MCOLN3: variants seen among roughly 807,000 people sequenced by gnomAD.
MCOLN3 encodes mucolipin TRP cation channel 3, also known as mucolipin-3.
In MCOLN3, 62 loss-of-function variants were observed where a neutral mutation model predicts 69.4. The ratio of observed to expected loss-of-function variants is 0.89; its 90% CI spans 0.73 to 1.10. MCOLN3 has a LOEUF of 1.10. Among genes scored for constraint, MCOLN3 ranks in the 50% least tolerant of loss-of-function variants. The pLI, the probability that MCOLN3 is intolerant of heterozygous loss-of-function variation, is 0.00. For synonymous variants in MCOLN3, 183 were observed against 217.0 expected (o/e 0.84, Z 1.38); for missense variants, 564 against 656.4 (o/e 0.86, Z 1.54).
chr1:85,040,099 C>T (rs961404832), intron 3 of MCOLN3, among the ~76,000 whole-genome samples: 3 of 152,178 alleles, frequency 2.0e-5, no homozygotes, highest in Admixed American at 6.5e-5. Flanking sequence ...GTATCTCCAT[C>T]ATTATGCCTT....
intron 4 of MCOLN3, among the ~76,000 whole-genome samples, chr1:85,033,681 C>T (rs1245748857): frequency 1.3e-5 from 2 of 152,080 alleles, no homozygotes; most frequent in Non-Finnish European, 1.5e-5. Context: ...TTTATATATA[C>T]CAAGAGTTTG....
At chr1:85,026,312 T>C in intron 7 of MCOLN3, 28 bp from the exon 8 acceptor site, 1 of 1,380,904 alleles carries the variant, frequency 7.2e-7, no homozygotes, top group Non-Finnish European at 1.0e-6. Context: ...TACATAGTGC[T>C]TATGTAGTGG....
At chr1:85,035,081 C>G (rs1652740835) in intron 3 of MCOLN3, among the ~76,000 whole-genome samples, 1 of 152,144 alleles carries the variant, frequency 6.6e-6, no homozygotes, top group African/African-American at 2.4e-5. Flanking sequence ...CAGTGTATTA[C>G]CAAATCTGAT....
At chr1:85,021,028 TTATAGGACAATGC>T (rs1339730550) in intron 12 of MCOLN3, 29 bp downstream of exon 12, 18 of 1,457,674 alleles carry the variant, frequency 1.2e-5, no homozygotes, top group African/African-American at 1.1e-4. Flanking sequence ...ACTCTACAAG[TTATAGGACAATGC>T]TACTACTTAT....
intron 1 of MCOLN3, among the ~76,000 whole-genome samples, chr1:85,048,003 G>A (rs541291537): frequency 6.6e-6 from 1 of 152,356 alleles, no homozygotes; most frequent in Non-Finnish European, 1.5e-5. Flanking sequence ...GCCGAGCCGC[G>A]TCAAGGCCAT....
At chr1:85,032,671 C>G in intron 6 of MCOLN3, 25 bp downstream of exon 6, 2 of 1,566,530 alleles carry the variant, frequency 1.3e-6, no homozygotes, top group Non-Finnish European at 1.8e-6. Context: ...AGACTGGAAC[C>G]AAATTCAGCC....
At position 85,021,149 on chromosome 1, in the gene MCOLN3, T is replaced by C; in HGVS notation, c.1448A>G (p.Tyr483Cys). ...ATATATAAAGAGGCTGATGAATGAGTAGAGGTAAATTCTACTAAACAGCCA... is the reference window on the plus strand; with the variant it reads ...ATATATAAAGAGGCTGATGAATGAGCAGAGGTAAATTCTACTAAACAGCCA... ...LVWLFSRIYL[Y>C]SFISLFIYMI... Residue 483 changes from tyrosine (Y) to cysteine (C), a missense_variant, in exon 12 of 13, where the codon TAC becomes TGC. By Grantham distance (194) the Tyr-to-Cys change is radical. Transcript: ENST00000370589. 6.2e-7 allele frequency: 1 copy of C among 1,612,952 alleles called. No homozygotes were observed. Among genetic ancestry groups the C allele is most frequent in the Non-Finnish European group, 8.5e-7 (1 of 1,179,298 alleles).
At chr1:85,019,509 G>A (rs17119338) in intron 12 of MCOLN3, among the ~76,000 whole-genome samples, 5,602 of 152,240 alleles carry the variant, frequency 0.037, 191 homozygotes, top group East Asian at 0.19. Flanking sequence ...TGGGCACACT[G>A]AGTCGAAGTC....
At chr1:85,045,502 A>T (rs892382681) in intron 1 of MCOLN3, 140 bp from the exon 2 acceptor site, 17 of 622,980 alleles carry the variant, frequency 2.7e-5, no homozygotes, top group Non-Finnish European at 4.6e-5. Context: ...TCTAAACTGC[A>T]TTTTAGATGT....
chr1:85,020,230 T>C (rs1651859141), intron 12 of MCOLN3, among the ~76,000 whole-genome samples: 1 of 152,214 alleles, frequency 6.6e-6, no homozygotes, highest in African/African-American at 2.4e-5. Context: ...CCCTGAAATC[T>C]TGTTCAGTGA....
At chr1:85,037,647 G>C (rs758212289) in intron 3 of MCOLN3, among the ~76,000 whole-genome samples, 14 of 152,212 alleles carry the variant, frequency 9.2e-5, no homozygotes, top group Admixed American at 2.0e-4. Flanking sequence ...CTTTGTGCAG[G>C]TCTGAGCATC....
intron 4 of MCOLN3, among the ~76,000 whole-genome samples, chr1:85,033,659 G>C (rs1168612197): frequency 2.0e-5 from 3 of 152,056 alleles, no homozygotes; most frequent in Non-Finnish European, 4.4e-5. Context: ...AGTGGTATTG[G>C]GGCAGGAGAG....
At position 85,046,890 on chromosome 1, in the gene MCOLN3, C is replaced by T. The variant is rs535773365; in HGVS notation, c.-3+1506G>A. Among the ~76,000 whole-genome samples, 6 of 152,246 alleles carry T rather than the reference C, an allele frequency of 3.9e-5. No homozygotes were observed. The South Asian group carries it at 1.2e-3, about 32-fold the overall frequency. On this transcript the variant is annotated intron_variant, in intron 1 of 12. Coordinates refer to ENST00000370589, the MANE Select transcript of MCOLN3 (RefSeq NM_018298.11). ...GGCTCCTGTGTGCGTGTTAAAATGC[C>T]TGTCAAAGCATAAATGCAGTAATTC...
rs1651975470 is a variant in MCOLN3, at chr1:85,022,195, G to A, written c.1198-3C>T. The A allele has an allele frequency of 1.2e-6, 2 of 1,613,794 alleles. No homozygotes were observed. The highest frequency in any genetic ancestry group is 3.3e-5 in the Admixed American group (2 of 59,932). Reference sequence around the variant, plus strand: ...GCCTGAAGGGTCAAAATGAGGAGCTGGGAAAGTAAGAGAGGCCATTAGAAT... The same window carrying A: ...GCCTGAAGGGTCAAAATGAGGAGCTAGGAAAGTAAGAGAGGCCATTAGAAT... On this transcript the variant is annotated splice_polypyrimidine_tract_variant and splice_region_variant and intron_variant, in intron 10 of 12. Coordinates refer to ENST00000370589, the MANE Select transcript of MCOLN3 (RefSeq NM_018298.11).
intron 9 of MCOLN3, chr1:85,023,635 A>G (rs1303607440): frequency 6.6e-6 from 1 of 152,258 alleles, no homozygotes; most frequent in Non-Finnish European, 1.5e-5. Flanking sequence ...AATGGTGGAT[A>G]TGCGAATCTG....
At position 85,022,138 on chromosome 1, in the gene MCOLN3, A is replaced by G. The variant is rs769836235; in HGVS notation, c.1252T>C (p.Cys418Arg). ...TAACCTAAGTAAATCATAGCTGCAC[A>G]GCAGCAGAACCTGATGACATTGGGC... The part of the protein sequence containing the change: ...ALPNVIRFCC[C>R]AAMIYLGYCF... Residue 418 changes from cysteine to arginine, a missense_variant, in exon 11 of 13, where the codon TGT becomes CGT. Cys to Arg is a radical substitution (Grantham distance 180). Transcript: ENST00000370589. The G allele has an allele frequency of 2.5e-6, 4 of 1,614,194 alleles. No homozygotes were observed. The Admixed American group carries it at 5.0e-5, about 20-fold the overall frequency.
chr1:85,025,746 A>C (rs1652181589), intron 9 of MCOLN3, 193 bp downstream of exon 9: 2 of 564,386 alleles, frequency 3.5e-6, no homozygotes, highest in Admixed American at 7.0e-5. Flanking sequence ...TGGTTTGTGG[A>C]TCACACTTTG....
rs758437975 is a variant in MCOLN3, at chr1:85,045,329, C to T, written c.32G>A (p.Cys11Tyr). MADPEVVVSS[C>Y]SSHEEENRCN... ...GCGATTTTCCTCTTCATGAGAGCTGCAGCTACTCACAACTACCTCAGGATC... is the reference window on the plus strand; with the variant it reads ...GCGATTTTCCTCTTCATGAGAGCTGTAGCTACTCACAACTACCTCAGGATC... The change falls in exon 2 of 13, where the codon TGC (cysteine) becomes TAC (tyrosine). Residue 11 changes from cysteine to tyrosine, a missense_variant. By Grantham distance (194) the Cys-to-Tyr change is radical. Transcript: ENST00000370589. The T allele has an allele frequency of 6.2e-7, 1 of 1,613,982 alleles. No homozygotes were observed. Among genetic ancestry groups the T allele is most frequent in the Non-Finnish European group, 8.5e-7 (1 of 1,179,974 alleles).
chr1:85,029,948 T>C (rs1168124094), intron 6 of MCOLN3: 1 of 152,254 alleles, frequency 6.6e-6, no homozygotes, highest in African/African-American at 2.4e-5. Context: ...TTTGAAAACT[T>C]TGTCATTTAA....
Sources: allele counts gnomAD v4.1 joint callset (sites outside exome capture counted in the v4.1 genomes callset), GRCh38; gene constraint gnomAD v4.1.1; transcripts MANE v1.5; gene names NCBI Gene and HGNC (gene_info 2026-07-23, HGNC 2026-07-21).